The following TOMM7 variants were observed in gnomAD, a reference collection of about 807,000 sequenced individuals.
TOMM7 encodes mitochondrial import receptor subunit TOM7 homolog.
Under a neutral mutation model 9.5 loss-of-function variants are expected in TOMM7, and 8 were observed. That is an observed-to-expected ratio of 0.84 (90% CI 0.49 to 1.51). The LOEUF (loss-of-function observed/expected upper bound fraction) is 1.51. TOMM7 is among the 40% of genes most tolerant of loss of function. The probability of loss-of-function intolerance (pLI) is 0.00; values close to 1 mark genes in which losing one functional copy is unlikely to be tolerated. For synonymous variants in TOMM7, 27 were observed against 21.4 expected (o/e 1.26, Z -0.72); for missense variants, 74 against 63.7 (o/e 1.16, Z -0.55).
chr7:22,818,087 A>C (rs1782340211), intron 1 of TOMM7, 39 bp from the exon 2 acceptor site: 3 of 1,579,392 alleles, frequency 1.9e-6, no homozygotes, highest in Non-Finnish European at 1.7e-6. Context: ...ATATTAATTA[A>C]AACCCCAGCA....
rs1410114198 is a variant in TOMM7 at position 22,817,440 on chromosome 7, G to T, written c.152+560C>A. 5 of 173,128 alleles carry T rather than the reference G, an allele frequency of 2.9e-5. No homozygotes were observed. In the South Asian group the frequency reaches 5.3e-4, roughly 18 times the overall value. 10.7% of individuals were successfully genotyped at this position (173,128 alleles called of 1,614,324 possible). On this transcript the variant is annotated intron_variant, in intron 2 of 2. Transcript: ENST00000358435. ...TTTTTTTTTGGTAGAGATGGGTCTC[G>T]CTACGTTGCCCAGGCTGGTCTTGAA...
At chr7:22,814,287 T>C (rs1482456556) in intron 2 of TOMM7, among the ~76,000 whole-genome samples, 1 of 146,796 alleles carries the variant, frequency 6.8e-6, no homozygotes, top group African/African-American at 2.5e-5. Flanking sequence ...GAGGCGGAGG[T>C]TGCAGTGAGC....
rs964052892 is a variant in TOMM7 at position 22,822,809 on chromosome 7, C to G, written c.-30G>C. ...ACGGCCGTGTGGCGCAGGGAGGACCCCTTACAGCAACCACAGCGTCGGGAA... is the reference window on the plus strand; with the variant it reads ...ACGGCCGTGTGGCGCAGGGAGGACCGCTTACAGCAACCACAGCGTCGGGAA... On this transcript the variant is annotated 5_prime_UTR_variant, in exon 1 of 3. Coordinates refer to ENST00000358435, the MANE Select transcript of TOMM7 (RefSeq NM_019059.5). 1 of 1,573,346 alleles carries G rather than the reference C, an allele frequency of 6.4e-7. No homozygotes were observed. Among genetic ancestry groups the G allele is most frequent in the Non-Finnish European group, 8.7e-7 (1 of 1,143,128 alleles).
intron 2 of TOMM7, among the ~76,000 whole-genome samples, chr7:22,814,412 G>A (rs530353412): frequency 6.0e-5 from 9 of 149,398 alleles, no homozygotes; most frequent in Middle Eastern, 3.3e-3. Context: ...CTGGCTACTC[G>A]GGAGGCTGAG....
At chr7:22,813,428 T>C (rs1185091750) in intron 2 of TOMM7, among the ~76,000 whole-genome samples, 1 of 152,090 alleles carries the variant, frequency 6.6e-6, no homozygotes, top group Non-Finnish European at 1.5e-5. Flanking sequence ...TGAGCAGACA[T>C]AAAATGAAGT....
At chr7:22,817,264 A>T (rs1782328636) in intron 2 of TOMM7, 1 of 153,176 alleles carries the variant, frequency 6.5e-6, no homozygotes, top group Non-Finnish European at 1.5e-5. Flanking sequence ...AGTTTTCACA[A>T]GTGTTTACAC....
intron 1 of TOMM7, chr7:22,818,267 T>C: frequency 2.2e-6 from 1 of 455,918 alleles, no homozygotes. Context: ...AAGAACAAGC[T>C]ATCTTATTCC....
At chr7:22,815,797 G>A (rs1054707529) in intron 2 of TOMM7, among the ~76,000 whole-genome samples, 8 of 151,902 alleles carry the variant, frequency 5.3e-5, no homozygotes, top group Non-Finnish European at 7.4e-5. Context: ...CTAGGCAACA[G>A]GGCGAGATCC....
rs774482209 is a variant in TOMM7, at chr7:22,822,808, C to T, written c.-29G>A. On this transcript the variant is annotated 5_prime_UTR_variant, in exon 1 of 3. Transcript: ENST00000358435. ...GACGGCCGTGTGGCGCAGGGAGGAC[C>T]CCTTACAGCAACCACAGCGTCGGGA... The T allele has an allele frequency of 2.5e-6, 4 of 1,573,944 alleles. No homozygotes were observed. In the South Asian group the frequency reaches 4.4e-5, roughly 17 times the overall value.
intron 2 of TOMM7, among the ~76,000 whole-genome samples, chr7:22,815,720 T>A (rs1452886814): frequency 6.6e-6 from 1 of 152,040 alleles, no homozygotes; most frequent in Non-Finnish European, 1.5e-5. Flanking sequence ...CAGTGGCCCA[T>A]GCCTATAATC....
At chr7:22,822,381 C>A in intron 1 of TOMM7, 1 of 1,188,514 alleles carries the variant, frequency 8.4e-7, no homozygotes, top group Non-Finnish European at 1.2e-6. Context: ...GTGACTTTCA[C>A]ATCCACTGGG....
intron 1 of TOMM7, 113 bp downstream of exon 1, chr7:22,822,564 G>A (rs2270107): frequency 0.37 from 344,537 of 934,288 alleles, 69,584 homozygotes; most frequent in African/African-American, 0.67. Context: ...CTCAGGGGCC[G>A]TGCACGGCAG....
chr7:22,813,671 C>T (rs988296553), intron 2 of TOMM7, among the ~76,000 whole-genome samples: 2 of 151,562 alleles, frequency 1.3e-5, no homozygotes, highest in Admixed American at 6.6e-5. Context: ...GGGTAGAGTG[C>T]GATGTGGCCT....
chr7:22,813,384 G>C (rs1383569433), intron 2 of TOMM7, among the ~76,000 whole-genome samples, 199 bp from the exon 3 acceptor site: 1 of 152,050 alleles, frequency 6.6e-6, no homozygotes, highest in African/African-American at 2.4e-5. Flanking sequence ...TTTCTTTTGA[G>C]CACAGTTACC....
At chr7:22,817,197 A>G (rs1782327603) in intron 2 of TOMM7, 2 of 152,430 alleles carry the variant, frequency 1.3e-5, no homozygotes, top group African/African-American at 2.4e-5. Flanking sequence ...TATAATTTTC[A>G]TAAGTATGCA....
chr7:22,822,621 G>A lies in TOMM7; in HGVS notation c.103+56C>T, dbSNP rs375337956. Reference sequence around the variant, plus strand: ...TCCCCCGACGGCCAAAAATGGGGCTGCTGTCTCCGCCACCCTCTTCCCTCC... The same window carrying A: ...TCCCCCGACGGCCAAAAATGGGGCTACTGTCTCCGCCACCCTCTTCCCTCC... On this transcript the variant is annotated intron_variant, in intron 1 of 2. Transcript: ENST00000358435. 13 of 1,494,336 alleles carry A rather than the reference G, an allele frequency of 8.7e-6. No homozygotes were observed. The East Asian group carries it at 2.0e-4, about 23-fold the overall frequency. The allele number at this position is 1,494,336 out of a possible 1,614,324, so 92.6% of individuals were successfully genotyped here. A position where few individuals can be genotyped will look rare whatever the true frequency, so the allele number is the denominator to read the frequency against.
chr7:22,821,283 C>A (rs1782385739), intron 1 of TOMM7, among the ~76,000 whole-genome samples: 1 of 151,780 alleles, frequency 6.6e-6, no homozygotes, highest in Non-Finnish European at 1.5e-5. Context: ...TGGTGGCGGG[C>A]GCTGTAGTCC....
At chr7:22,816,155 T>G (rs1221801182) in intron 2 of TOMM7, among the ~76,000 whole-genome samples, 1 of 152,222 alleles carries the variant, frequency 6.6e-6, no homozygotes, top group Non-Finnish European at 1.5e-5. Flanking sequence ...ACGTATTACT[T>G]GACAAGTACT....
intron 1 of TOMM7, 137 bp downstream of exon 1, chr7:22,822,540 C>T: frequency 4.9e-6 from 4 of 823,472 alleles, no homozygotes; most frequent in Non-Finnish European, 8.0e-6. Context: ...ATCGGCCCCA[C>T]TTGACCAGAC....
Sources: gnomAD v4.1 joint callset for allele counts (sites outside exome capture counted in the v4.1 genomes callset) on GRCh38, gnomAD v4.1.1 for gene constraint, MANE v1.5 for transcripts, NCBI Gene and HGNC (gene_info 2026-07-23, HGNC 2026-07-21) for gene names.